Variants in ELOA observed in about 807,000 individuals in gnomAD.
The protein encoded by ELOA is elongin-A.
Under a neutral mutation model 85.2 loss-of-function variants are expected in ELOA, and 15 were observed. The observed-to-expected ratio is 0.18, with a 90% CI of 0.12 to 0.27. The LOEUF (loss-of-function observed/expected upper bound fraction) is 0.27, where lower values mean the gene tolerates loss of function less well. ELOA is among the 10% of genes least tolerant of loss of function. The probability of loss-of-function intolerance (pLI) is 1.00; values close to 1 mark genes in which losing one functional copy is unlikely to be tolerated. For synonymous variants in ELOA, 348 were observed against 357.2 expected (o/e 0.97, Z 0.29); for missense variants, 769 against 952.7 (o/e 0.81, Z 2.54).
At chr1:23,756,773 A>AT (rs1644796232) in intron 9 of ELOA, among the ~76,000 whole-genome samples, 180 bp from the exon 10 acceptor site, 1 of 152,176 alleles carries the variant, frequency 6.6e-6, no homozygotes, top group African/African-American at 2.4e-5. Context: ...TGAGATTATC[A>AT]TTTTTTCTGA....
chr1:23,754,281 C>G (rs192239945), intron 6 of ELOA, 26 bp downstream of exon 6: 1 of 1,614,108 alleles, frequency 6.2e-7, no homozygotes, highest in African/African-American at 1.3e-5. Flanking sequence ...CTCTCTAGCT[C>G]TCAAGCACAT....
chr1:23,758,376 C>A (rs1157780295), intron 10 of ELOA, among the ~76,000 whole-genome samples: 2 of 139,252 alleles, frequency 1.4e-5, no homozygotes, highest in Non-Finnish European at 3.0e-5. Flanking sequence ...CAGGTTCAAG[C>A]GATTCTCCTG....
intron 9 of ELOA, 143 bp from the exon 10 acceptor site, chr1:23,756,810 A>C (rs892607062): frequency 1.4e-6 from 1 of 730,312 alleles, no homozygotes; most frequent in Non-Finnish European, 2.1e-6. Flanking sequence ...TCTCTGAGCC[A>C]CCACCAGAAT....
rs778204913 is a variant in ELOA, at chr1:23,760,146, G to A, written c.*573G>A. 2.7e-4 allele frequency: 41 copies of A among 152,902 alleles called. No individual in the cohort carries two copies. The highest frequency in any genetic ancestry group is 1.2e-4 in the Non-Finnish European group (8 of 68,642). The allele number at this position is 152,902 out of a possible 1,614,324, so 9.5% of individuals were successfully genotyped here. A position where few individuals can be genotyped will look rare whatever the true frequency, so the allele number is the denominator to read the frequency against. ...GTCCCCAAGGGAGCCTCAGTGGGGCGACAGGGTGCTCGGCGGACTCCACCT... is the reference window on the plus strand; with the variant it reads ...GTCCCCAAGGGAGCCTCAGTGGGGCAACAGGGTGCTCGGCGGACTCCACCT... On this transcript the variant is annotated 3_prime_UTR_variant, in exon 11 of 11. Transcript: ENST00000613537.
At chr1:23,755,792 A>T in intron 7 of ELOA, 51 bp from the exon 8 acceptor site, 1 of 1,521,558 alleles carries the variant, frequency 6.6e-7, no homozygotes, top group Non-Finnish European at 8.8e-7. Flanking sequence ...AAAAAAAAAA[A>T]AAATATGGAA....
At chr1:23,755,798 TG>T in intron 7 of ELOA, 44 bp from the exon 8 acceptor site, 1 of 1,419,044 alleles carries the variant, frequency 7.0e-7, no homozygotes, top group Non-Finnish European at 9.4e-7. Context: ...AAAAAAAATA[TG>T]GAAAAGTGCT....
In ELOA at chr1:23,750,902, G is replaced by A. The variant is rs957505200; in HGVS notation, c.297G>A (p.Arg99=). The part of the protein sequence containing the change: ...FEKSNSRKRP[R]DALQKEEEME... ...AGAGCAATTCCCGAAAGCGCCCTCGGGATGCCCTGCAGAAGGAGGAGGAGA... is the reference window on the plus strand; with the variant it reads ...AGAGCAATTCCCGAAAGCGCCCTCGAGATGCCCTGCAGAAGGAGGAGGAGA... Residue 99 remains arginine (R), a synonymous_variant, in exon 4 of 11, where the codon CGG becomes CGA. Coordinates refer to ENST00000613537, the MANE Select transcript of ELOA (RefSeq NM_003198.3). The A allele has an allele frequency of 1.4e-5, 22 of 1,611,772 alleles. No homozygotes were observed. Among genetic ancestry groups the A allele is most frequent in the Non-Finnish European group, 1.9e-5 (22 of 1,179,380 alleles).
intron 2 of ELOA, among the ~76,000 whole-genome samples, chr1:23,749,569 G>C (rs1245253912): frequency 6.6e-6 from 1 of 152,306 alleles, no homozygotes; most frequent in East Asian, 1.9e-4. Flanking sequence ...TGTAAAGACT[G>C]ATTCAGAACT....
At position 23,757,014 on chromosome 1, in the gene ELOA, A is replaced by C; in HGVS notation, c.2146A>C (p.Asn716His). Residue 716 changes from asparagine (N) to histidine (H), a missense_variant, in exon 10 of 11, where the codon AAC becomes CAC. By Grantham distance (68) the Asn-to-His change is moderately conservative (BLOSUM62 1). Transcript: ENST00000613537. The part of the protein sequence containing the change: ...SHASASSISF[N>H]PSPEEPAYDG... ...TGCTTCCGCCAGTAGCATCAGCTTT[A>C]ACCCCAGCCCTGAGGAGCCGGCCTA... The C allele has an allele frequency of 6.2e-7, 1 of 1,609,024 alleles. No individual in the cohort carries two copies. The highest frequency in any genetic ancestry group is 8.5e-7 in the Non-Finnish European group (1 of 1,178,500).
chr1:23,750,471 C>T (rs1314597082), intron 3 of ELOA, among the ~76,000 whole-genome samples: 4 of 152,138 alleles, frequency 2.6e-5, no homozygotes, highest in Non-Finnish European at 4.4e-5. Flanking sequence ...TGAGCCACCG[C>T]GGCTGGCCTG....
rs1463100040 is a variant in ELOA, at chr1:23,761,496, G to A, written c.*1923G>A. On this transcript the variant is annotated 3_prime_UTR_variant, in exon 11 of 11. Coordinates refer to ENST00000613537, the MANE Select transcript of ELOA (RefSeq NM_003198.3). The stretch of plus-strand genomic sequence containing the variant: ...TATTAGGAGTCTTTAGGCAGGGAGG[G>A]AAGAAAAAACAGATTTGTTCATAGC... The A allele has an allele frequency of 6.6e-6, 1 of 152,070 alleles. No homozygotes were observed. The highest frequency in any genetic ancestry group is 1.5e-5 in the Non-Finnish European group (1 of 68,012). 9.4% of individuals were successfully genotyped at this position (152,070 alleles called of 1,614,324 possible).
Position 23,760,308 on chromosome 1 carries a change from T to G in ELOA, c.*735T>G, listed in dbSNP as rs1638275568. ...TTTGCGAGTCCCCACCTTTTTGTTT[T>G]TTTTTTTTTCTTTGAGGCTCACTAG... On this transcript the variant is annotated 3_prime_UTR_variant, in exon 11 of 11. Transcript: ENST00000613537. 1 of 152,040 alleles carries G rather than the reference T, an allele frequency of 6.6e-6. No individual in the cohort carries two copies. The highest frequency in any genetic ancestry group is 6.6e-5 in the Admixed American group (1 of 15,258). 9.4% of individuals were successfully genotyped at this position (152,040 alleles called of 1,614,324 possible). A position where few individuals can be genotyped will look rare whatever the true frequency, so the allele number is the denominator to read the frequency against.
At chr1:23,746,489 C>T (rs1644747546) in intron 1 of ELOA, among the ~76,000 whole-genome samples, 1 of 151,006 alleles carries the variant, frequency 6.6e-6, no homozygotes, top group African/African-American at 2.4e-5. Flanking sequence ...TGCCTGTAAT[C>T]CCAGCTACTC....
intron 10 of ELOA, among the ~76,000 whole-genome samples, chr1:23,757,957 C>T (rs1638224925): frequency 6.6e-6 from 1 of 151,914 alleles, no homozygotes; most frequent in Admixed American, 6.6e-5. Flanking sequence ...AGGAGAATTG[C>T]TTGAACCTGG....
In ELOA at chr1:23,743,480, G is replaced by C; in HGVS notation, c.-24G>C. On this transcript the variant is annotated 5_prime_UTR_variant, in exon 1 of 11. Coordinates refer to ENST00000613537, the MANE Select transcript of ELOA (RefSeq NM_003198.3). ...GACGCGACGCGAGCCCAGTTCCGGCGAGGAGGCCGCGCCAGTGACAGCGAT... is the reference window on the plus strand; with the variant it reads ...GACGCGACGCGAGCCCAGTTCCGGCCAGGAGGCCGCGCCAGTGACAGCGAT... 1 of 1,502,722 alleles carries C rather than the reference G, an allele frequency of 6.7e-7. No individual in the cohort carries two copies. Among genetic ancestry groups the C allele is most frequent in the East Asian group, 2.8e-5 (1 of 35,856 alleles). The allele number at this position is 1,502,722 out of a possible 1,614,324, so 93.1% of individuals were successfully genotyped here. A position where few individuals can be genotyped will look rare whatever the true frequency, so the allele number is the denominator to read the frequency against.
rs1025788510 is a variant in ELOA, at chr1:23,761,806, A to T, written c.*2233A>T. ...CAATTTTTTTTCTGTGCTACACTAC[A>T]TACAAATCACCAAATTACAAATTAC... On this transcript the variant is annotated 3_prime_UTR_variant, in exon 11 of 11. Coordinates refer to ENST00000613537, the MANE Select transcript of ELOA (RefSeq NM_003198.3). 2 of 152,182 alleles carry T rather than the reference A, an allele frequency of 1.3e-5. No individual in the cohort carries two copies. The highest frequency in any genetic ancestry group is 2.9e-5 in the Non-Finnish European group (2 of 68,032). 9.4% of individuals were successfully genotyped at this position (152,182 alleles called of 1,614,324 possible).
chr1:23,751,064 T>C lies in ELOA; in HGVS notation c.459T>C (p.Asp153=), dbSNP rs35397069. The C allele has an allele frequency of 0.016, 26,578 of 1,613,964 alleles. 3,192 individuals carry two copies. The African/African-American group carries it at 0.29, about 17-fold the overall frequency. The change falls in exon 4 of 11, where the codon GAT becomes GAC. Residue 153 remains aspartate, a synonymous_variant. Transcript: ENST00000613537. ...HKVSHGHERR[D]ERKRCHRMSP... is the part of the protein sequence containing the mutation. Reference sequence around the variant, plus strand: ...TGTCTCACGGTCATGAGAGGAGAGATGAGAGAAAGAGGTGTCACAGAATGT... The same window carrying C: ...TGTCTCACGGTCATGAGAGGAGAGACGAGAGAAAGAGGTGTCACAGAATGT...
chr1:23,754,460 T>C lies in ELOA; in HGVS notation c.1791T>C (p.His597=). ...DQLYRIEEYN[H]VLIEETDQLW... ...TGTATCGCATAGAGGAATACAATCATGTGAGTATTCTGTTTGGGTGGGAAG... is the reference window on the plus strand; with the variant it reads ...TGTATCGCATAGAGGAATACAATCACGTGAGTATTCTGTTTGGGTGGGAAG... Residue 597 remains histidine (H), a splice_region_variant and synonymous_variant, in exon 7 of 11, where the codon CAT becomes CAC. Coordinates refer to ENST00000613537, the MANE Select transcript of ELOA (RefSeq NM_003198.3). The C allele has an allele frequency of 6.2e-7, 1 of 1,613,584 alleles. No individual in the cohort carries two copies. Among genetic ancestry groups the C allele is most frequent in the Non-Finnish European group, 8.5e-7 (1 of 1,179,490 alleles).
Position 23,756,302 on chromosome 1 carries a change from C to T in ELOA, c.2001C>T (p.Asn667=), listed in dbSNP as rs1182563344. 17 of 1,571,464 alleles carry T rather than the reference C, an allele frequency of 1.1e-5. No individual in the cohort carries two copies. The highest frequency in any genetic ancestry group is 1.5e-5 in the Non-Finnish European group (17 of 1,158,076). The stretch of plus-strand genomic sequence containing the variant: ...GACAAGCAAAGATGGCCTTTGTCAA[C>T]TCTGTGGCCAAGCCACCTCGTGACG... ...KGRQAKMAFV[N]SVAKPPRDVR... The change falls in exon 9 of 11, where the codon AAC becomes AAT. Residue 667 remains asparagine (N), a synonymous_variant. Coordinates refer to ENST00000613537, the MANE Select transcript of ELOA (RefSeq NM_003198.3).
Sources: allele counts gnomAD v4.1 joint callset (sites outside exome capture counted in the v4.1 genomes callset), GRCh38; gene constraint gnomAD v4.1.1; transcripts MANE v1.5; gene names NCBI Gene and HGNC (gene_info 2026-07-23, HGNC 2026-07-21).